The following RAB3C variants were observed in gnomAD, a reference collection of about 807,000 sequenced individuals.
RAB3C encodes RAB3C, member RAS oncogene family.
In RAB3C, 17 loss-of-function variants were observed where a neutral mutation model predicts 26.4. That is an observed-to-expected ratio of 0.64 (90% CI 0.44 to 0.97). The LOEUF is 0.97. Ranked by LOEUF, RAB3C falls within the 50% of genes least tolerant of loss-of-function variation. The pLI is 0.00. For synonymous variants in RAB3C, 91 were observed against 95.9 expected (o/e 0.95, Z 0.30); for missense variants, 242 against 281.9 (o/e 0.86, Z 1.01).
At chr5:58,776,928 C>T (rs1378905473) in intron 3 of RAB3C, among the ~76,000 whole-genome samples, 1 of 152,126 alleles carries the variant, frequency 6.6e-6, no homozygotes, top group Non-Finnish European at 1.5e-5. Flanking sequence ...TTGAGCAAAA[C>T]TCAGATACAT....
rs543982607 is a variant in RAB3C at position 58,778,485 on chromosome 5, G to A, written c.372-46553G>A. 8.5e-5 allele frequency among the ~76,000 whole-genome samples: 13 copies of A among 152,224 alleles called. No homozygotes were observed. In the South Asian group the frequency reaches 2.5e-3, roughly 29 times the overall value. Reference sequence around the variant, plus strand: ...CAATAAGAAAGGGAACAAAGGCAGGGAAAAGCTGTGAATCTCAACTAATCC... The same window carrying A: ...CAATAAGAAAGGGAACAAAGGCAGGAAAAAGCTGTGAATCTCAACTAATCC... On this transcript the variant is annotated intron_variant, in intron 3 of 4. Transcript: ENST00000282878.
intron 1 of RAB3C, among the ~76,000 whole-genome samples, chr5:58,607,725 C>T (rs979566227): frequency 1.8e-4 from 28 of 152,320 alleles, no homozygotes; most frequent in East Asian, 1.3e-3. Flanking sequence ...TCGGCAGAAA[C>T]CCTACAAGTG....
chr5:58,676,463 A>G (rs190152825), intron 2 of RAB3C, among the ~76,000 whole-genome samples: 227 of 152,206 alleles, frequency 1.5e-3, no homozygotes, highest in African/African-American at 5.2e-3. Context: ...AGATCATGCC[A>G]TTGTGCTCCA....
At chr5:58,714,327 G>C (rs889615014) in intron 2 of RAB3C, among the ~76,000 whole-genome samples, 4 of 151,974 alleles carry the variant, frequency 2.6e-5, no homozygotes, top group African/African-American at 9.7e-5. Context: ...GGAATGATGT[G>C]GTAAAGTGAA....
rs1253397815 is a variant in RAB3C, at chr5:58,648,536, C to T, written c.252+30666C>T. 2.6e-5 allele frequency among the ~76,000 whole-genome samples: 4 copies of T among 152,048 alleles called. No homozygotes were observed. The East Asian group carries it at 5.8e-4, about 22-fold the overall frequency. On this transcript the variant is annotated intron_variant, in intron 2 of 4. Transcript: ENST00000282878. ...AATGTAATGAAGTAGAAAATAAAAA[C>T]AAAATATTCTCCTGTTTCTTGAAAA...
intron 2 of RAB3C, among the ~76,000 whole-genome samples, chr5:58,670,401 T>A (rs547274878): frequency 6.6e-6 from 1 of 152,276 alleles, no homozygotes; most frequent in South Asian, 2.1e-4. Flanking sequence ...GCTCAACATC[T>A]AAAGAAAAGA....
intron 3 of RAB3C, among the ~76,000 whole-genome samples, chr5:58,778,480 G>A (rs1165259697): frequency 2.0e-5 from 3 of 152,074 alleles, no homozygotes; most frequent in African/African-American, 7.2e-5. Flanking sequence ...GGGAACAAAG[G>A]CAGGGAAAAG....
intron 3 of RAB3C, among the ~76,000 whole-genome samples, chr5:58,764,886 A>G (rs906219771): frequency 6.6e-6 from 1 of 152,198 alleles, no homozygotes; most frequent in Admixed American, 6.5e-5. Context: ...ACCTCCTGTT[A>G]TCTATTATGA....
intron 3 of RAB3C, among the ~76,000 whole-genome samples, chr5:58,793,708 A>G (rs1320004345): frequency 6.6e-6 from 1 of 151,902 alleles, no homozygotes; most frequent in African/African-American, 2.4e-5. Context: ...TCTGAACCTT[A>G]TCTCTGGAGA....
At chr5:58,582,254 C>A, upstream of RAB3C, 1 of 219,556 alleles carries the variant, frequency 4.6e-6, no homozygotes, top group Non-Finnish European at 7.7e-6. Flanking sequence ...GTCTTCTCCA[C>A]ATCCCTCCTT....
At chr5:58,770,119 G>A (rs1419980829) in intron 3 of RAB3C, among the ~76,000 whole-genome samples, 1 of 152,162 alleles carries the variant, frequency 6.6e-6, no homozygotes, top group Non-Finnish European at 1.5e-5. Context: ...GCCCCAGGGT[G>A]AGAGTAGGAT....
intron 2 of RAB3C, among the ~76,000 whole-genome samples, chr5:58,713,078 T>C (rs1749096112): frequency 6.6e-6 from 1 of 152,116 alleles, no homozygotes. Flanking sequence ...AAAAGTAGCC[T>C]AAGAAATTTG....
At chr5:58,653,887 C>T (rs1156833736) in intron 2 of RAB3C, among the ~76,000 whole-genome samples, 2 of 152,148 alleles carry the variant, frequency 1.3e-5, no homozygotes, top group Non-Finnish European at 2.9e-5. Flanking sequence ...CATCCTAATT[C>T]CCACAATCTT....
chr5:58,799,032 A>G (rs998093141), intron 3 of RAB3C, among the ~76,000 whole-genome samples: 3 of 152,228 alleles, frequency 2.0e-5, no homozygotes, highest in African/African-American at 7.2e-5. Context: ...GGGGGAAGAA[A>G]CATTAGGTAT....
intron 3 of RAB3C, among the ~76,000 whole-genome samples, chr5:58,788,032 G>A (rs1169291488): frequency 3.9e-5 from 6 of 152,198 alleles, no homozygotes; most frequent in South Asian, 2.1e-4. Context: ...AACAGAGAGC[G>A]AGAGGGCAGG....
At chr5:58,772,211 A>T (rs939049583) in intron 3 of RAB3C, among the ~76,000 whole-genome samples, 14 of 152,096 alleles carry the variant, frequency 9.2e-5, no homozygotes, top group Admixed American at 8.5e-4. Flanking sequence ...AGGAGAATTG[A>T]CTGTACTTGG....
intron 2 of RAB3C, among the ~76,000 whole-genome samples, chr5:58,681,500 C>A (rs1363087602): frequency 6.6e-6 from 1 of 152,196 alleles, no homozygotes; most frequent in Non-Finnish European, 1.5e-5. Context: ...AGCAATCTCA[C>A]AAAAATTAAG....
At chr5:58,848,502 A>G (rs1344471646) in intron 4 of RAB3C, 1 of 152,216 alleles carries the variant, frequency 6.6e-6, no homozygotes, top group Admixed American at 6.5e-5. Flanking sequence ...TGAGCAACGA[A>G]ATACTTGAGC....
intron 3 of RAB3C, among the ~76,000 whole-genome samples, chr5:58,792,975 G>C (rs956249665): frequency 6.6e-6 from 1 of 152,016 alleles, no homozygotes; most frequent in Admixed American, 6.6e-5. Context: ...CTAGCACATG[G>C]CAATAATAGA....
Sources: gnomAD v4.1 joint callset for allele counts (sites outside exome capture counted in the v4.1 genomes callset) on GRCh38, gnomAD v4.1.1 for gene constraint, MANE v1.5 for transcripts, NCBI Gene and HGNC (gene_info 2026-07-23, HGNC 2026-07-21) for gene names.